LCORL: variants seen among roughly 807,000 people sequenced by gnomAD.
LCORL encodes the protein ligand dependent nuclear receptor corepressor like.
In LCORL, 41 loss-of-function variants were observed where a neutral mutation model predicts 141.8. That is an observed-to-expected ratio of 0.29 (90% CI 0.23 to 0.38). The LOEUF is 0.38. LCORL is among the 10% of genes least tolerant of loss of function. The probability of loss-of-function intolerance (pLI) is 1.00; values close to 1 mark genes in which losing one functional copy is unlikely to be tolerated. For synonymous variants in LCORL, 618 were observed against 694.1 expected (o/e 0.89, Z 1.72); for missense variants, 1,759 against 2,035.0 (o/e 0.86, Z 2.61).
intron 4 of LCORL, among the ~76,000 whole-genome samples, chr4:17,959,622 C>CA (rs1713384153): frequency 1.3e-5 from 2 of 151,974 alleles, no homozygotes; most frequent in Admixed American, 6.5e-5. Context: ...AGCACCATCT[C>CA]AAAAAGCATA....
chr4:18,019,356 A>G (rs1156762099), intron 1 of LCORL, among the ~76,000 whole-genome samples: 1 of 152,210 alleles, frequency 6.6e-6, no homozygotes, highest in Non-Finnish European at 1.5e-5. Flanking sequence ...ATAAATAACA[A>G]AGAATATGAG....
intron 1 of LCORL, among the ~76,000 whole-genome samples, chr4:17,974,829 G>A (rs1577602287): frequency 6.6e-6 from 1 of 151,918 alleles, no homozygotes; most frequent in African/African-American, 2.4e-5. Context: ...TTCAGTTTTG[G>A]TAATTTGTAT....
At chr4:18,012,721 C>A (rs562302899) in intron 1 of LCORL, among the ~76,000 whole-genome samples, 10 of 152,062 alleles carry the variant, frequency 6.6e-5, no homozygotes, top group African/African-American at 2.4e-4. Context: ...AGATTAAAAC[C>A]AACTCTATCC....
intron 5 of LCORL, among the ~76,000 whole-genome samples, chr4:17,905,897 T>A (rs1320082049): frequency 6.6e-6 from 1 of 152,166 alleles, no homozygotes; most frequent in African/African-American, 2.4e-5. Context: ...CTTCATTGAC[T>A]ATACTATGAA....
At chr4:17,986,998 A>C (rs1466767346) in intron 1 of LCORL, among the ~76,000 whole-genome samples, 1 of 152,174 alleles carries the variant, frequency 6.6e-6, no homozygotes. Context: ...TTACATAAGA[A>C]AAATTTTTGA....
At chr4:17,972,555 C>T (rs182539128) in intron 2 of LCORL, among the ~76,000 whole-genome samples, 192 of 151,414 alleles carry the variant, frequency 1.3e-3, no homozygotes, top group Admixed American at 3.2e-3. Context: ...TAAGTTAGGG[C>T]GTAGAATCAA....
intron 6 of LCORL, chr4:17,882,584 T>C (rs1456835295): frequency 8.1e-6 from 8 of 984,616 alleles, no homozygotes; most frequent in South Asian, 4.7e-5. Context: ...TGTTAAATAT[T>C]TGTAAATCTA....
intron 4 of LCORL, chr4:17,912,345 T>A: frequency 1.5e-6 from 1 of 669,950 alleles, no homozygotes; most frequent in Non-Finnish European, 2.8e-6. Flanking sequence ...TGAAGAACCA[T>A]GAAGAGGAAG....
intron 4 of LCORL, among the ~76,000 whole-genome samples, chr4:17,927,071 C>T (rs1264470981): frequency 2.0e-5 from 3 of 152,206 alleles, no homozygotes; most frequent in Non-Finnish European, 4.4e-5. Context: ...TTGGTACAGC[C>T]ACCTTCATCA....
intron 5 of LCORL, among the ~76,000 whole-genome samples, chr4:17,899,711 G>C (rs1730587117): frequency 6.6e-6 from 1 of 152,098 alleles, no homozygotes; most frequent in Non-Finnish European, 1.5e-5. Context: ...TCTTTGGGGA[G>C]AGAATACTTG....
chr4:17,842,668 A>G (rs567947726), exon 8 of LCORL: 42 of 287,796 alleles, frequency 1.5e-4, no homozygotes, highest in Non-Finnish European at 2.6e-4. Flanking sequence ...TCAGTTAGCA[A>G]ACTCTTGATT....
intron 4 of LCORL, among the ~76,000 whole-genome samples, chr4:17,915,297 T>A (rs375925504): frequency 5.9e-5 from 9 of 152,178 alleles, no homozygotes; most frequent in African/African-American, 2.2e-4. Flanking sequence ...AAATCTCCTA[T>A]GACCACAACC....
chr4:17,991,276 C>T (rs1719970290), intron 1 of LCORL, among the ~76,000 whole-genome samples: 1 of 152,190 alleles, frequency 6.6e-6, no homozygotes, highest in African/African-American at 2.4e-5. Flanking sequence ...GACTCTACTC[C>T]TTGTTCTTCT....
chr4:17,999,130 T>G (rs191913641), intron 1 of LCORL, among the ~76,000 whole-genome samples: 8 of 150,914 alleles, frequency 5.3e-5, no homozygotes, highest in Admixed American at 5.3e-4. Flanking sequence ...TAGATTTGTT[T>G]GTACTAGCAT....
intron 5 of LCORL, among the ~76,000 whole-genome samples, chr4:17,900,747 C>T (rs912978259): frequency 2.0e-5 from 3 of 151,676 alleles, no homozygotes; most frequent in Admixed American, 6.6e-5. Flanking sequence ...TACACAGAAA[C>T]AAAGAGATGG....
At chr4:17,925,268 T>C (rs1053765183) in intron 4 of LCORL, among the ~76,000 whole-genome samples, 7 of 151,928 alleles carry the variant, frequency 4.6e-5, no homozygotes, top group Non-Finnish European at 8.8e-5. Context: ...ACAGTGGAGG[T>C]AAGGAAGAGT....
At chr4:17,930,408 T>C (rs1325928802) in intron 4 of LCORL, among the ~76,000 whole-genome samples, 2 of 152,206 alleles carry the variant, frequency 1.3e-5, no homozygotes, top group South Asian at 2.1e-4. Flanking sequence ...CAGTGTTAAA[T>C]AGTAGAAGAG....
chr4:17,915,332 C>CG, intron 4 of LCORL, among the ~76,000 whole-genome samples: 1 of 152,272 alleles, frequency 6.6e-6, no homozygotes, highest in Non-Finnish European at 1.5e-5. Flanking sequence ...ATTGTAGCCT[C>CG]ATGAACAAGT....
chr4:17,862,452 AT>A (rs1399997780), intron 7 of LCORL, among the ~76,000 whole-genome samples: 2 of 152,182 alleles, frequency 1.3e-5, no homozygotes, highest in Non-Finnish European at 2.9e-5. Context: ...TCAAGATGAA[AT>A]TTGAGTGGGG....
Sources: allele counts gnomAD v4.1 joint callset (sites outside exome capture counted in the v4.1 genomes callset), GRCh38; gene constraint gnomAD v4.1.1; transcripts MANE v1.5; gene names NCBI Gene and HGNC (gene_info 2026-07-23, HGNC 2026-07-21).